The following RANBP2 variants were observed in gnomAD, a reference collection of about 807,000 sequenced individuals.
The protein encoded by RANBP2 is RAN binding protein 2.
Under a neutral mutation model 303.6 loss-of-function variants are expected in RANBP2, and 57 were observed. That is an observed-to-expected ratio of 0.19 (90% CI 0.15 to 0.23). The LOEUF is 0.23. Ranked by LOEUF, RANBP2 falls within the 10% of genes least tolerant of loss-of-function variation. RANBP2 has a pLI of 1.00. For missense variants in RANBP2, 3,138 were observed against 3,780.8 expected (o/e 0.83, Z 4.46); for synonymous variants, 1,167 against 1,301.5 (o/e 0.90, Z 2.23).
chr2:109,257,204 A>G, the RANBP2 span, among the ~76,000 whole-genome samples: 1 of 152,208 alleles, frequency 6.6e-6, no homozygotes, highest in Non-Finnish European at 1.5e-5. Context: ...TCATGTGGAC[A>G]TGACGGTAAG....
At chr2:109,623,850 G>A in the RANBP2 span, among the ~76,000 whole-genome samples, 2 of 152,232 alleles carry the variant, frequency 1.3e-5, no homozygotes, top group Non-Finnish European at 2.9e-5. Context: ...TAGGTTTGGG[G>A]TGGGGAGAGG....
At chr2:109,409,897 C>T in the RANBP2 span, among the ~76,000 whole-genome samples, 1 of 152,086 alleles carries the variant, frequency 6.6e-6, no homozygotes, top group African/African-American at 2.4e-5. Flanking sequence ...TTCACTGCTC[C>T]TTGGGGTGAT....
chr2:109,557,884 T>G, the RANBP2 span, among the ~76,000 whole-genome samples: 1 of 151,174 alleles, frequency 6.6e-6, no homozygotes, highest in Non-Finnish European at 1.5e-5. Flanking sequence ...GGTCTCACTG[T>G]CATCCAGGCT....
the RANBP2 span, among the ~76,000 whole-genome samples, chr2:109,622,713 G>GCTT: frequency 6.6e-6 from 1 of 152,174 alleles, no homozygotes; most frequent in Non-Finnish European, 1.5e-5. Context: ...TAACGGAAGG[G>GCTT]CTTAGCCCAC....
chr2:108,874,477 C>A, the RANBP2 span, among the ~76,000 whole-genome samples: 1 of 152,084 alleles, frequency 6.6e-6, no homozygotes, highest in Admixed American at 6.6e-5. Flanking sequence ...ATCTGGACAC[C>A]TTCTATCTCA....
the RANBP2 span, among the ~76,000 whole-genome samples, chr2:109,074,545 A>G: frequency 6.7e-6 from 1 of 149,148 alleles, no homozygotes; most frequent in Non-Finnish European, 1.5e-5. Context: ...ACTAAAAAAT[A>G]CAAAAATTAG....
the RANBP2 span, among the ~76,000 whole-genome samples, chr2:109,293,966 G>T: frequency 1.3e-5 from 2 of 152,178 alleles, no homozygotes; most frequent in African/African-American, 4.8e-5. Flanking sequence ...GCTTCCCTGG[G>T]TGGGGGTCTA....
chr2:108,761,727 C>T (rs1332915459), intron 18 of RANBP2, among the ~76,000 whole-genome samples: 3 of 152,044 alleles, frequency 2.0e-5, no homozygotes, highest in Admixed American at 1.3e-4. Flanking sequence ...ATGCATTGAC[C>T]ATCAGATGGC....
the RANBP2 span, among the ~76,000 whole-genome samples, chr2:109,071,089 G>A: frequency 1.3e-5 from 2 of 152,200 alleles, no homozygotes; most frequent in African/African-American, 2.4e-5. Context: ...AGGGAGATCA[G>A]TGGTGCTTTC....
the RANBP2 span, among the ~76,000 whole-genome samples, chr2:109,611,400 A>C: frequency 6.6e-6 from 1 of 152,220 alleles, no homozygotes; most frequent in African/African-American, 2.4e-5. Flanking sequence ...TAAACTACAG[A>C]CTGAAAGAGA....
the RANBP2 span, among the ~76,000 whole-genome samples, chr2:109,376,958 G>A: frequency 6.6e-6 from 1 of 152,262 alleles, no homozygotes; most frequent in Admixed American, 6.5e-5. Flanking sequence ...GAGATGGGGT[G>A]CGGAGCACCT....
chr2:108,782,505 C>T lies in RANBP2; in HGVS notation c.9035-23C>T, dbSNP rs761689121. 2.7e-5 allele frequency: 43 copies of T among 1,613,606 alleles called. 1 individual carries two copies. In the South Asian group the frequency reaches 4.4e-4, roughly 16 times the overall value. ...AGTTATTTTAATACTAAGGTCACTG[C>T]TTCCCCTTTCCCTCCCTGCCAGATG... On this transcript the variant is annotated intron_variant, in intron 27 of 28. Coordinates refer to ENST00000283195, the MANE Select transcript of RANBP2 (RefSeq NM_006267.5).
the RANBP2 span, among the ~76,000 whole-genome samples, chr2:109,250,790 T>C: frequency 6.6e-6 from 1 of 151,910 alleles, no homozygotes; most frequent in Non-Finnish European, 1.5e-5. Context: ...AGTGCTTCAA[T>C]AGGGAATTAG....
the RANBP2 span, among the ~76,000 whole-genome samples, chr2:109,064,693 T>C: frequency 1.3e-5 from 2 of 152,156 alleles, no homozygotes; most frequent in Non-Finnish European, 2.9e-5. Flanking sequence ...ATGAAACTAA[T>C]ATTCTTTTCT....
the RANBP2 span, among the ~76,000 whole-genome samples, chr2:108,811,247 C>CTCTT: frequency 1.3e-3 from 148 of 113,892 alleles, 6 homozygotes; most frequent in African/African-American, 4.9e-3. Flanking sequence ...TTCTCTCTCT[C>CTCTT]TTTTTTTTTT....
At chr2:108,956,821 T>A in the RANBP2 span, among the ~76,000 whole-genome samples, 1 of 152,034 alleles carries the variant, frequency 6.6e-6, no homozygotes, top group African/African-American at 2.4e-5. Context: ...GAGTTTTTGT[T>A]CTTGTTGCCC....
At chr2:109,532,826 C>T in the RANBP2 span, among the ~76,000 whole-genome samples, 17 of 152,160 alleles carry the variant, frequency 1.1e-4, no homozygotes, top group African/African-American at 2.9e-4. Context: ...TGCCCCGTGA[C>T]GCCTCCTCTA....
At chr2:109,449,462 C>T in the RANBP2 span, 72 of 1,613,870 alleles carry the variant, frequency 4.5e-5, no homozygotes, top group Non-Finnish European at 6.0e-5. Flanking sequence ...ACACGGGATG[C>T]AAACTAGACG....
Position 108,756,183 on chromosome 2 carries a change from C to T in RANBP2, c.2466+924C>T, listed in dbSNP as rs373914097. Among the ~76,000 whole-genome samples, 263 of 152,258 alleles carry T rather than the reference C, an allele frequency of 1.7e-3. 2 individuals carry two copies. The highest frequency in any genetic ancestry group is 0.012 in the South Asian group (60 of 4,832). Reference sequence around the variant, plus strand: ...ACTGCTACCATGTACTAATCATACTCTGGTCTATGAGTTCATTCCCAGATT... The same window carrying T: ...ACTGCTACCATGTACTAATCATACTTTGGTCTATGAGTTCATTCCCAGATT... On this transcript the variant is annotated intron_variant, in intron 17 of 28. Coordinates refer to ENST00000283195, the MANE Select transcript of RANBP2 (RefSeq NM_006267.5).
Sources: allele counts gnomAD v4.1 joint callset (sites outside exome capture counted in the v4.1 genomes callset), GRCh38; gene constraint gnomAD v4.1.1; transcripts MANE v1.5; gene names NCBI Gene and HGNC (gene_info 2026-07-23, HGNC 2026-07-21).